GMDS: variants seen among roughly 807,000 people sequenced by gnomAD.
GMDS encodes GDP-mannose 4,6 dehydratase.
A neutral mutation model predicts 49.9 loss-of-function variants in GMDS; 20 were observed. That is an observed-to-expected ratio of 0.40 (90% confidence interval 0.28 to 0.58). The LOEUF is 0.58. Ranked by LOEUF, GMDS falls within the 20% of genes least tolerant of loss-of-function variation. The probability of loss-of-function intolerance (pLI) is 0.42; values close to 1 mark genes in which losing one functional copy is unlikely to be tolerated. For synonymous variants in GMDS, 177 were observed against 178.6 expected, an observed-to-expected ratio of 0.99 and a Z score of 0.07; for missense variants, 362 against 481.4, an observed-to-expected ratio of 0.75 and a Z score of 2.32.
At chr6:1,647,756 A>G (rs1313495410) in intron 9 of GMDS, among the ~76,000 whole-genome samples, 2 of 152,180 alleles carry the variant, frequency 1.3e-5, no homozygotes, top group African/African-American at 4.8e-5. Context: ...AGTCCTGAGG[A>G]ATCTCGGACA....
At chr6:1,821,539 C>G (rs1332323602) in intron 7 of GMDS, among the ~76,000 whole-genome samples, 1 of 150,198 alleles carries the variant, frequency 6.7e-6, no homozygotes, top group Non-Finnish European at 1.5e-5. Context: ...TAATTGTGCA[C>G]ATTCCAAACG....
At chr6:2,089,768 T>C (rs1773213980) in intron 4 of GMDS, among the ~76,000 whole-genome samples, 1 of 152,214 alleles carries the variant, frequency 6.6e-6, no homozygotes, top group Non-Finnish European at 1.5e-5. Context: ...TTTAAAATGT[T>C]CTGGACTACC....
At chr6:2,172,353 A>G (rs190326656) in intron 1 of GMDS, among the ~76,000 whole-genome samples, 1 of 152,324 alleles carries the variant, frequency 6.6e-6, no homozygotes, top group South Asian at 2.1e-4. Context: ...TAAGACACAA[A>G]AAGCATGAAT....
chr6:1,984,522 A>G (rs1422848716), intron 4 of GMDS, among the ~76,000 whole-genome samples: 1 of 152,092 alleles, frequency 6.6e-6, no homozygotes, highest in South Asian at 2.1e-4. Context: ...TATCCAGGCC[A>G]GTACACTACA....
intron 2 of GMDS, among the ~76,000 whole-genome samples, chr6:2,118,435 T>C (rs2127502153): frequency 6.6e-6 from 1 of 152,360 alleles, no homozygotes; most frequent in Admixed American, 6.5e-5. Flanking sequence ...TTCCTTCTTA[T>C]GCTGAAAAGT....
intron 9 of GMDS, among the ~76,000 whole-genome samples, chr6:1,673,296 C>T (rs1404724975): frequency 6.6e-6 from 1 of 151,934 alleles, no homozygotes; most frequent in African/African-American, 2.4e-5. Context: ...CTCCATCCCA[C>T]TACTTTTTTG....
chr6:2,121,975 A>C (rs1775161039), intron 2 of GMDS, among the ~76,000 whole-genome samples: 1 of 152,082 alleles, frequency 6.6e-6, no homozygotes, highest in South Asian at 2.1e-4. Context: ...AGAAAGAACA[A>C]CTCAGCCTCA....
At chr6:1,919,486 G>T (rs1043771271) in intron 7 of GMDS, among the ~76,000 whole-genome samples, 1 of 152,012 alleles carries the variant, frequency 6.6e-6, no homozygotes, top group African/African-American at 2.4e-5. Context: ...TACATAATTC[G>T]GCTTCTGTAA....
intron 6 of GMDS, chr6:1,959,659 T>C (rs1763830849): frequency 2.7e-6 from 1 of 369,024 alleles, no homozygotes; most frequent in African/African-American, 2.1e-5. Context: ...GTTTTTAATG[T>C]TAAAATTTAA....
intron 4 of GMDS, among the ~76,000 whole-genome samples, chr6:1,992,727 T>C (rs562248085): frequency 6.6e-6 from 1 of 152,350 alleles, no homozygotes; most frequent in East Asian, 1.9e-4. Flanking sequence ...TTGGCTTATT[T>C]ACTCAGTATT....
chr6:1,632,029 T>C (rs1561686522), intron 9 of GMDS, among the ~76,000 whole-genome samples: 2 of 152,346 alleles, frequency 1.3e-5, no homozygotes, highest in South Asian at 4.1e-4. Context: ...GTGTCTATAC[T>C]ACATGGTCAC....
At chr6:2,147,706 A>T (rs928955548) in intron 1 of GMDS, among the ~76,000 whole-genome samples, 3 of 151,632 alleles carry the variant, frequency 2.0e-5, no homozygotes, top group African/African-American at 7.3e-5. Flanking sequence ...TATTTCTCAC[A>T]GGGATTCATT....
At chr6:1,852,826 C>T (rs1019232033) in intron 7 of GMDS, among the ~76,000 whole-genome samples, 5 of 151,926 alleles carry the variant, frequency 3.3e-5, no homozygotes, top group African/African-American at 4.8e-5. Flanking sequence ...CCTGCCTCAG[C>T]CTCCTGAGTA....
intron 4 of GMDS, among the ~76,000 whole-genome samples, chr6:1,997,458 A>C (rs1200731976): frequency 1.4e-5 from 2 of 147,148 alleles, no homozygotes; most frequent in Non-Finnish European, 3.0e-5. Flanking sequence ...TAGTGAGCTG[A>C]GATCGCGCCA....
chr6:1,632,414 G>A (rs985233962), intron 9 of GMDS, among the ~76,000 whole-genome samples: 4 of 152,218 alleles, frequency 2.6e-5, no homozygotes, highest in Admixed American at 2.0e-4. Flanking sequence ...CGAGACTGGA[G>A]GACAGGGGAG....
intron 4 of GMDS, among the ~76,000 whole-genome samples, chr6:2,006,987 T>C (rs1274188789): frequency 6.6e-6 from 1 of 152,210 alleles, no homozygotes; most frequent in Admixed American, 6.5e-5. Flanking sequence ...TTCTTATAAC[T>C]TTCCCTAGGA....
At chr6:2,010,098 G>A (rs1335136755) in intron 4 of GMDS, among the ~76,000 whole-genome samples, 1 of 152,140 alleles carries the variant, frequency 6.6e-6, no homozygotes, top group Non-Finnish European at 1.5e-5. Context: ...GGAGGCCGAG[G>A]TGGGTGGATC....
chr6:2,021,246 T>A (rs529685362), intron 4 of GMDS, among the ~76,000 whole-genome samples: 2 of 152,356 alleles, frequency 1.3e-5, no homozygotes, highest in African/African-American at 4.8e-5. Context: ...TATTTTCTGG[T>A]CTATTTATAA....
At chr6:2,138,808 A>G (rs1776138013) in intron 1 of GMDS, among the ~76,000 whole-genome samples, 1 of 152,130 alleles carries the variant, frequency 6.6e-6, no homozygotes, top group Non-Finnish European at 1.5e-5. Context: ...CATCAAATCT[A>G]CCACAGATTT....
Sources: gnomAD v4.1 joint callset for allele counts (sites outside exome capture counted in the v4.1 genomes callset) on GRCh38, gnomAD v4.1.1 for gene constraint, MANE v1.5 for transcripts, NCBI Gene and HGNC (gene_info 2026-07-23, HGNC 2026-07-21) for gene names.